The following FSTL4 variants were observed in gnomAD, a reference collection of about 807,000 sequenced individuals.
The protein encoded by FSTL4 is follistatin-related protein 4.
A neutral mutation model predicts 78.2 loss-of-function variants in FSTL4; 28 were observed. That is an observed-to-expected ratio of 0.36 (90% CI 0.27 to 0.49). The LOEUF (loss-of-function observed/expected upper bound fraction) is 0.49. FSTL4 is among the 20% of genes least tolerant of loss of function. The probability of loss-of-function intolerance (pLI) is 0.98; values close to 1 mark genes in which losing one functional copy is unlikely to be tolerated. For synonymous variants in FSTL4, 422 were observed against 440.5 expected, an observed-to-expected ratio of 0.96 and a Z score of 0.53; for missense variants, 922 against 1,084.9, an observed-to-expected ratio of 0.85 and a Z score of 2.11.
rs369645147 is a variant in FSTL4 at position 133,431,759 on chromosome 5, G to A, written c.161-30773C>T. On this transcript the variant is annotated intron_variant, in intron 3 of 15. Transcript: ENST00000265342. ...GTTGTTTTAAGCTGCTAGGGTTTGGGGGTAATTTGTTACACATCAGTAAAT... is the reference window on the plus strand; with the variant it reads ...GTTGTTTTAAGCTGCTAGGGTTTGGAGGTAATTTGTTACACATCAGTAAAT... Among the ~76,000 whole-genome samples, 74 of 152,216 alleles carry A rather than the reference G, an allele frequency of 4.9e-4. No individual in the cohort carries two copies. In the East Asian group the frequency reaches 9.6e-3, roughly 20 times the overall value.
chr5:133,828,357 A>G, the FSTL4 span, among the ~76,000 whole-genome samples: 3 of 152,206 alleles, frequency 2.0e-5, no homozygotes, highest in African/African-American at 4.8e-5. Flanking sequence ...AGTGTTCACA[A>G]TGCTTCACCC....
chr5:133,255,577 G>C (rs1399742761), intron 6 of FSTL4, among the ~76,000 whole-genome samples: 1 of 152,220 alleles, frequency 6.6e-6, no homozygotes, highest in African/African-American at 2.4e-5. Flanking sequence ...TGGCACTCTG[G>C]TGCCTAGCAC....
chr5:133,814,577 G>A, the FSTL4 span, among the ~76,000 whole-genome samples: 2 of 152,244 alleles, frequency 1.3e-5, no homozygotes, highest in East Asian at 1.9e-4. Context: ...GAGAGAAAAG[G>A]TTCAGATGAC....
intron 6 of FSTL4, among the ~76,000 whole-genome samples, chr5:133,261,023 T>C (rs960903874): frequency 4.6e-5 from 7 of 152,198 alleles, no homozygotes; most frequent in African/African-American, 1.7e-4. Context: ...TCTAAGAAGC[T>C]GTTGTAGGAT....
intron 6 of FSTL4, among the ~76,000 whole-genome samples, chr5:133,286,540 G>A (rs1188821111): frequency 6.6e-6 from 1 of 152,170 alleles, no homozygotes; most frequent in East Asian, 1.9e-4. Context: ...CATAGGCTAT[G>A]GTTCAAAAGG....
At chr5:133,467,534 G>A (rs1157981340) in intron 3 of FSTL4, among the ~76,000 whole-genome samples, 1 of 152,184 alleles carries the variant, frequency 6.6e-6, no homozygotes, top group African/African-American at 2.4e-5. Context: ...ACTGAAAGGA[G>A]GGCAGCTGGG....
intron 6 of FSTL4, among the ~76,000 whole-genome samples, chr5:133,296,709 G>C (rs959779063): frequency 7.2e-5 from 11 of 152,126 alleles, no homozygotes; most frequent in South Asian, 2.1e-4. Context: ...CCTGCCCTCT[G>C]TGTTGCTGTT....
the FSTL4 span, among the ~76,000 whole-genome samples, chr5:133,739,625 C>T: frequency 6.6e-6 from 1 of 152,208 alleles, no homozygotes; most frequent in Non-Finnish European, 1.5e-5. Flanking sequence ...CTTCAAGGGT[C>T]CTCAGGAAAG....
chr5:133,319,156 C>A (rs7730752), intron 4 of FSTL4, among the ~76,000 whole-genome samples: 57,550 of 152,086 alleles, frequency 0.38, 12,023 homozygotes, highest in South Asian at 0.5. Flanking sequence ...TGCCTGTGAG[C>A]GCAGACTTCT....
chr5:133,622,237 T>C, the FSTL4 span, among the ~76,000 whole-genome samples: 9,677 of 152,274 alleles, frequency 0.064, 340 homozygotes, highest in Non-Finnish European at 0.072. Flanking sequence ...ATAGTTTTGC[T>C]CCTTTGTATG....
intron 6 of FSTL4, among the ~76,000 whole-genome samples, chr5:133,293,728 C>A (rs34035577): frequency 0.69 from 104,778 of 152,000 alleles, 36,437 homozygotes; most frequent in Non-Finnish European, 0.73. Flanking sequence ...AGAACCACAT[C>A]CTGAAGGTGT....
intron 4 of FSTL4, among the ~76,000 whole-genome samples, chr5:133,329,876 T>C (rs1018353707): frequency 6.6e-6 from 1 of 152,198 alleles, no homozygotes; most frequent in South Asian, 2.1e-4. Flanking sequence ...CTGGTTACTA[T>C]TACTTGAGCC....
the FSTL4 span, among the ~76,000 whole-genome samples, chr5:133,711,905 C>G: frequency 2.0e-5 from 3 of 152,146 alleles, no homozygotes; most frequent in Non-Finnish European, 4.4e-5. Context: ...GGCTTTAACT[C>G]TTCTCACAAC....
the FSTL4 span, among the ~76,000 whole-genome samples, chr5:133,649,408 GT>G: frequency 6.6e-6 from 1 of 152,206 alleles, no homozygotes; most frequent in East Asian, 1.9e-4. Flanking sequence ...TATGGTAAAA[GT>G]TTTTTTAAAA....
At chr5:133,784,152 G>A in the FSTL4 span, among the ~76,000 whole-genome samples, 1 of 152,104 alleles carries the variant, frequency 6.6e-6, no homozygotes, top group African/African-American at 2.4e-5. Flanking sequence ...TTAGATAAAT[G>A]TTAGCTATTG....
chr5:133,498,718 C>CAA (rs112128780), intron 3 of FSTL4, among the ~76,000 whole-genome samples: 2 of 127,054 alleles, frequency 1.6e-5, no homozygotes, highest in African/African-American at 3.0e-5. Context: ...ACTCAGTCTC[C>CAA]AAAAAAAAAA....
chr5:133,258,416 A>G (rs1752435084), intron 6 of FSTL4, among the ~76,000 whole-genome samples: 1 of 152,226 alleles, frequency 6.6e-6, no homozygotes, highest in South Asian at 2.1e-4. Flanking sequence ...AGACCTAGAT[A>G]GAAAAAATGA....
At chr5:133,367,107 GTTC>G (rs949534894) in intron 4 of FSTL4, among the ~76,000 whole-genome samples, 2 of 152,170 alleles carry the variant, frequency 1.3e-5, no homozygotes, top group Admixed American at 6.5e-5. Flanking sequence ...GAAGACAGCT[GTTC>G]TTCTTTCCTG....
chr5:133,234,480 C>T (rs921978502), intron 7 of FSTL4, among the ~76,000 whole-genome samples: 1 of 152,234 alleles, frequency 6.6e-6, no homozygotes, highest in Non-Finnish European at 1.5e-5. Flanking sequence ...GCTGCATTCC[C>T]TTTTGCAGAC....
Sources: gnomAD v4.1 joint callset for allele counts (sites outside exome capture counted in the v4.1 genomes callset) on GRCh38, gnomAD v4.1.1 for gene constraint, MANE v1.5 for transcripts, NCBI Gene and HGNC (gene_info 2026-07-23, HGNC 2026-07-21) for gene names.